Variants in KALRN observed in about 807,000 individuals in gnomAD.
KALRN encodes kalirin RhoGEF kinase, also known as kalirin.
A neutral mutation model predicts 353.7 loss-of-function variants in KALRN; 70 were observed. That is an observed-to-expected ratio of 0.20 (90% CI 0.16 to 0.24). The LOEUF (loss-of-function observed/expected upper bound fraction) is 0.24. KALRN is among the 10% of genes least tolerant of loss of function. The pLI, the probability that KALRN is intolerant of heterozygous loss-of-function variation, is 1.00. For synonymous variants in KALRN, 1,391 were observed against 1,434.8 expected, an observed-to-expected ratio of 0.97 and a Z score of 0.69; for missense variants, 2,791 against 3,756.7, an observed-to-expected ratio of 0.74 and a Z score of 6.72.
intron 10 of KALRN, among the ~76,000 whole-genome samples, chr3:124,347,707 A>C (rs1210051483): frequency 6.6e-6 from 1 of 152,148 alleles, no homozygotes; most frequent in East Asian, 1.9e-4. Flanking sequence ...GAGAGCTAAA[A>C]ATCAGTCCCA....
chr3:124,703,740 C>T (rs566110785), intron 57 of KALRN, among the ~76,000 whole-genome samples: 2 of 152,334 alleles, frequency 1.3e-5, no homozygotes, highest in South Asian at 4.1e-4. Context: ...TCCTAAGAAG[C>T]TATCCTCCCA....
chr3:124,485,136 T>C (rs182711624), intron 28 of KALRN, among the ~76,000 whole-genome samples: 1 of 152,300 alleles, frequency 6.6e-6, no homozygotes, highest in East Asian at 1.9e-4. Context: ...AAATTATTTT[T>C]CTTGTGCTAA....
intron 1 of KALRN, among the ~76,000 whole-genome samples, chr3:124,126,135 C>T (rs1224187369): frequency 3.3e-5 from 5 of 151,696 alleles, no homozygotes; most frequent in African/African-American, 1.2e-4. Context: ...AATGTCTGGC[C>T]AAGAATTGGG....
intron 10 of KALRN, among the ~76,000 whole-genome samples, chr3:124,375,515 C>G (rs1439211082): frequency 1.3e-5 from 2 of 152,124 alleles, no homozygotes; most frequent in African/African-American, 4.8e-5. Context: ...GGGGAGAGGT[C>G]AGGGACAGAA....
At chr3:124,466,316 T>C (rs902909803) in intron 25 of KALRN, among the ~76,000 whole-genome samples, 2 of 152,172 alleles carry the variant, frequency 1.3e-5, no homozygotes, top group African/African-American at 4.8e-5. Flanking sequence ...AATTTACTTA[T>C]CTACACAAGA....
At chr3:124,687,582 ACAAT>A (rs1361650235) in intron 51 of KALRN, among the ~76,000 whole-genome samples, 3 of 152,102 alleles carry the variant, frequency 2.0e-5, no homozygotes, top group Middle Eastern at 3.4e-3. Context: ...TATCCATAAA[ACAAT>A]CAATGTACTT....
In KALRN at chr3:124,398,837, T is replaced by G; in HGVS notation, c.2312T>G (p.Leu771Arg). The G allele has an allele frequency of 6.2e-7, 1 of 1,613,752 alleles. No individual in the cohort carries two copies. Among genetic ancestry groups the G allele is most frequent in the Non-Finnish European group, 8.5e-7 (1 of 1,179,818 alleles). ...CGGAAGATCAAGCTGGACATCTTCCTGCAACTGCGCATCTTTGAGCAGTAC... is the reference window on the plus strand; with the variant it reads ...CGGAAGATCAAGCTGGACATCTTCCGGCAACTGCGCATCTTTGAGCAGTAC... Reference protein sequence around the residue: ...HERKIKLDIFLQLRIFEQYTI... With the variant: ...HERKIKLDIFRQLRIFEQYTI... Residue 771 changes from leucine to arginine, a missense_variant, in exon 13 of 60, where the codon CTG (leucine) becomes CGG (arginine). Physicochemically the swap from Leu to Arg is moderately radical, Grantham distance 102. This residue lies in a region of KALRN where 452 missense variants were observed against 575.8 expected (regional missense o/e 0.78). Transcript: ENST00000682506.
chr3:124,520,124 G>A (rs970939425), intron 33 of KALRN, among the ~76,000 whole-genome samples: 1 of 152,016 alleles, frequency 6.6e-6, no homozygotes, highest in African/African-American at 2.4e-5. Flanking sequence ...AGTGTGGTGG[G>A]GGGAAGGCAG....
chr3:124,604,341 A>AG, intron 34 of KALRN, among the ~76,000 whole-genome samples: 2 of 152,130 alleles, frequency 1.3e-5, no homozygotes, highest in African/African-American at 4.8e-5. Flanking sequence ...CTCCAGAGTG[A>AG]GGATGTGGAA....
chr3:124,630,568 G>A (rs1458616973), intron 34 of KALRN, among the ~76,000 whole-genome samples: 1 of 152,078 alleles, frequency 6.6e-6, no homozygotes, highest in Non-Finnish European at 1.5e-5. Context: ...GGCTCCAGTA[G>A]TGTAGTTTAG....
chr3:124,247,136 A>C (rs1456039342), intron 3 of KALRN, among the ~76,000 whole-genome samples: 1 of 152,182 alleles, frequency 6.6e-6, no homozygotes, highest in East Asian at 1.9e-4. Context: ...AGTTTTGTAG[A>C]GACTGCCTTT....
intron 1 of KALRN, chr3:124,082,342 A>G (rs967119113): frequency 4.3e-6 from 2 of 470,404 alleles, no homozygotes; most frequent in African/African-American, 4.0e-5. Flanking sequence ...TGTAAGTAGA[A>G]ATTCTGTTTC....
intron 13 of KALRN, among the ~76,000 whole-genome samples, chr3:124,405,638 G>GTT (rs71145451): frequency 8.7e-4 from 73 of 83,850 alleles, no homozygotes; most frequent in Non-Finnish European, 1.1e-3. Flanking sequence ...GGACCTCAGG[G>GTT]TTTTTTTTTT....
At chr3:124,397,951 G>GT (rs2090371200) in intron 12 of KALRN, among the ~76,000 whole-genome samples, 1 of 152,182 alleles carries the variant, frequency 6.6e-6, no homozygotes, top group Admixed American at 6.5e-5. Flanking sequence ...CTTAGTTCAT[G>GT]TGCACTCTTA....
intron 1 of KALRN, among the ~76,000 whole-genome samples, chr3:124,072,312 T>C (rs1378117009): frequency 3.2e-4 from 48 of 152,248 alleles, no homozygotes; most frequent in Non-Finnish European, 5.9e-5. Flanking sequence ...CTGCTCTCTG[T>C]GTCTCTGTTC....
intron 1 of KALRN, among the ~76,000 whole-genome samples, chr3:124,207,714 GA>G (rs1204476637): frequency 2.0e-5 from 3 of 152,236 alleles, no homozygotes; most frequent in East Asian, 3.9e-4. Flanking sequence ...TAAAATGTGG[GA>G]AACAATATGT....
At chr3:124,688,046 C>T (rs928388148) in intron 51 of KALRN, among the ~76,000 whole-genome samples, 2 of 152,082 alleles carry the variant, frequency 1.3e-5, no homozygotes, top group Non-Finnish European at 2.9e-5. Flanking sequence ...TGTGGTGGCT[C>T]ATACCTGTAA....
intron 1 of KALRN, among the ~76,000 whole-genome samples, chr3:124,134,455 A>C (rs377278146): frequency 6.6e-6 from 1 of 152,218 alleles, no homozygotes; most frequent in Non-Finnish European, 1.5e-5. Context: ...CCTTCTAGAC[A>C]TTGGCTTAGG....
chr3:124,633,291 A>G (rs180818766), intron 35 of KALRN, among the ~76,000 whole-genome samples: 3 of 152,356 alleles, frequency 2.0e-5, no homozygotes, highest in Admixed American at 1.3e-4. Context: ...GAGAGACTGT[A>G]GCCAAAGTTA....
Sources: gnomAD v4.1 joint callset for allele counts (sites outside exome capture counted in the v4.1 genomes callset) on GRCh38, gnomAD v4.1.1 for gene constraint, gnomAD v4.1.1 regional missense constraint, MANE v1.5 for transcripts, NCBI Gene and HGNC (gene_info 2026-07-23, HGNC 2026-07-21) for gene names.